Variants in LRP12 observed in about 807,000 individuals in gnomAD.
The protein encoded by LRP12 is low-density lipoprotein receptor-related protein 12.
Under a neutral mutation model 66.0 loss-of-function variants are expected in LRP12, and 14 were observed. That is an observed-to-expected ratio of 0.21 (90% confidence interval 0.14 to 0.33). The LOEUF is 0.33. Among genes scored for constraint, LRP12 ranks in the 10% least tolerant of loss-of-function variants. The pLI, the probability that LRP12 is intolerant of heterozygous loss-of-function variation, is 1.00. For missense variants in LRP12, 889 were observed against 1,053.4 expected, an observed-to-expected ratio of 0.84 and a Z score of 2.16; for synonymous variants, 357 against 359.1, an observed-to-expected ratio of 0.99 and a Z score of 0.07.
chr8:104,574,607 ACT>A, intron 1 of LRP12, among the ~76,000 whole-genome samples: 1 of 151,140 alleles, frequency 6.6e-6, no homozygotes, highest in Non-Finnish European at 1.5e-5. Flanking sequence ...TTTAATAGAC[ACT>A]GTTTTCCAAG....
chr8:104,548,524 TAATA>T (rs1811668938), intron 1 of LRP12, among the ~76,000 whole-genome samples: 2 of 117,532 alleles, frequency 1.7e-5, no homozygotes, highest in Admixed American at 9.1e-5. Context: ...ATTTTGTATC[TAATA>T]TATAATTCTA....
At chr8:104,572,897 A>G (rs1310170229) in intron 1 of LRP12, among the ~76,000 whole-genome samples, 1 of 152,210 alleles carries the variant, frequency 6.6e-6, no homozygotes, top group Non-Finnish European at 1.5e-5. Context: ...ATCAGGGAAT[A>G]AAAGAATTAA....
At chr8:104,514,934 A>G (rs1471759842) in intron 2 of LRP12, among the ~76,000 whole-genome samples, 1 of 152,220 alleles carries the variant, frequency 6.6e-6, no homozygotes, top group East Asian at 1.9e-4. Context: ...GGCTGTGTTC[A>G]GGCTAAGTGA....
At chr8:104,502,488 T>C (rs574585275) in intron 3 of LRP12, among the ~76,000 whole-genome samples, 1 of 152,300 alleles carries the variant, frequency 6.6e-6, no homozygotes, top group South Asian at 2.1e-4. Context: ...CCTTATTAAT[T>C]TCCAGTTACT....
chr8:104,502,538 A>G (rs1226323174), intron 3 of LRP12, among the ~76,000 whole-genome samples: 5 of 152,188 alleles, frequency 3.3e-5, no homozygotes, highest in Non-Finnish European at 5.9e-5. Flanking sequence ...CAAGCTGACA[A>G]GACCACGGTG....
intron 1 of LRP12, among the ~76,000 whole-genome samples, chr8:104,565,298 T>C (rs1811980833): frequency 6.6e-6 from 1 of 152,132 alleles, no homozygotes; most frequent in South Asian, 2.1e-4. Flanking sequence ...CAAACGGTAA[T>C]AATGACTGTG....
chr8:104,547,694 CAT>C (rs1227453619), intron 1 of LRP12, among the ~76,000 whole-genome samples: 4 of 119,972 alleles, frequency 3.3e-5, no homozygotes, highest in Admixed American at 9.4e-5. Context: ...AATATAAAAT[CAT>C]ATATTATATA....
intron 1 of LRP12, among the ~76,000 whole-genome samples, chr8:104,532,544 T>C (rs1391229828): frequency 6.6e-6 from 1 of 152,128 alleles, no homozygotes; most frequent in African/African-American, 2.4e-5. Flanking sequence ...ATTTTATACA[T>C]CATTAGTTCT....
intron 3 of LRP12, among the ~76,000 whole-genome samples, chr8:104,500,613 G>C (rs960366621): frequency 6.6e-6 from 1 of 152,210 alleles, no homozygotes; most frequent in Non-Finnish European, 1.5e-5. Flanking sequence ...TGAGGCAGGA[G>C]AATCTCTTGA....
At chr8:104,558,966 G>C (rs1447920479) in intron 1 of LRP12, among the ~76,000 whole-genome samples, 4 of 152,080 alleles carry the variant, frequency 2.6e-5, no homozygotes, top group Non-Finnish European at 4.4e-5. Flanking sequence ...ACAGATATTG[G>C]CATGGAATGT....
rs879214906 is a variant in LRP12, at chr8:104,588,964, ACGCCGACGCCGCCGCCGC to A, written c.-85_-68del. 83,375 of 903,894 alleles carry A rather than the reference ACGCCGACGCCGCCGCCGC, an allele frequency of 0.092. 4,466 individuals are homozygous for A. The highest frequency in any genetic ancestry group is 0.13 in the Middle Eastern group (487 of 3,786). 56.0% of individuals were successfully genotyped at this position (903,894 alleles called of 1,614,324 possible). On this transcript the variant is annotated 5_prime_UTR_variant, in exon 1 of 7. Coordinates refer to ENST00000276654, the MANE Select transcript of LRP12 (RefSeq NM_013437.5). ...AGGGAGGAGAAGCTGGAGGTAGACG[ACGCCGACGCCGCCGCCGC>A]CGCCGCCGCCGCCGCCGAGCCACCG...
intron 2 of LRP12, among the ~76,000 whole-genome samples, chr8:104,512,896 T>C (rs1811018273): frequency 6.6e-6 from 1 of 152,216 alleles, no homozygotes; most frequent in African/African-American, 2.4e-5. Flanking sequence ...TATGTACTTT[T>C]ATAACATTAT....
In LRP12 at chr8:104,589,014, C is replaced by T; in HGVS notation, c.-117G>A. On this transcript the variant is annotated 5_prime_UTR_variant, in exon 1 of 7. Coordinates refer to ENST00000276654, the MANE Select transcript of LRP12 (RefSeq NM_013437.5). Reference sequence around the variant, plus strand: ...CGCCGCCGCCGAGCCACCGGCTGCTCCCTGCGCTCTCCGCGGCTGCGGGAG... The same window carrying T: ...CGCCGCCGCCGAGCCACCGGCTGCTTCCTGCGCTCTCCGCGGCTGCGGGAG... 1.6e-6 allele frequency: 1 copy of T among 617,960 alleles called. No individual in the cohort carries two copies. The highest frequency in any genetic ancestry group is 2.5e-6 in the Non-Finnish European group (1 of 407,540). 38.3% of individuals were successfully genotyped at this position (617,960 alleles called of 1,614,324 possible). A position where few individuals can be genotyped will look rare whatever the true frequency, so the allele number is the denominator to read the frequency against.
At chr8:104,574,114 G>T (rs149318147) in intron 1 of LRP12, among the ~76,000 whole-genome samples, 1 of 151,892 alleles carries the variant, frequency 6.6e-6, no homozygotes, top group African/African-American at 2.4e-5. Flanking sequence ...CTGACCCTAT[G>T]GTAATTGCAA....
At chr8:104,539,133 A>T (rs1251628325) in intron 1 of LRP12, among the ~76,000 whole-genome samples, 2 of 152,234 alleles carry the variant, frequency 1.3e-5, no homozygotes, top group East Asian at 3.8e-4. Context: ...CCTCATTTAG[A>T]TTCTGATTCA....
At position 104,491,145 on chromosome 8, in the gene LRP12, C is replaced by A. The variant is rs766535908; in HGVS notation, c.2108G>T (p.Gly703Val). 3.7e-6 allele frequency: 6 copies of A among 1,613,994 alleles called. No individual in the cohort carries two copies. The highest frequency in any genetic ancestry group is 4.2e-6 in the Non-Finnish European group (5 of 1,180,032). The change falls in exon 7 of 7, where the codon GGT becomes GTT. Residue 703 changes from glycine to valine, a missense_variant. Coordinates refer to ENST00000276654, the MANE Select transcript of LRP12 (RefSeq NM_013437.5). ...CACATCCCTTCCATTATCTGCATGACCACCTCGGGTACTCTGAGTTGAGGA... is the reference window on the plus strand; with the variant it reads ...CACATCCCTTCCATTATCTGCATGAACACCTCGGGTACTCTGAGTTGAGGA... ...ASSSTQSTRGGHADNGRDVTS... is the reference protein window; with the variant it reads ...ASSSTQSTRGVHADNGRDVTS...
intron 1 of LRP12, among the ~76,000 whole-genome samples, chr8:104,583,385 A>G (rs1812285233): frequency 6.6e-6 from 1 of 152,058 alleles, no homozygotes. Context: ...TGGGCCTTTC[A>G]TGCATTGTTC....
intron 2 of LRP12, among the ~76,000 whole-genome samples, chr8:104,524,533 A>C (rs1206646187): frequency 6.6e-6 from 1 of 152,194 alleles, no homozygotes; most frequent in East Asian, 1.9e-4. Context: ...CACATGATGG[A>C]AATTTTATGC....
At chr8:104,554,670 A>G (rs529556789) in intron 1 of LRP12, among the ~76,000 whole-genome samples, 1 of 152,248 alleles carries the variant, frequency 6.6e-6, no homozygotes, top group South Asian at 2.1e-4. Context: ...TTCCTGAGGA[A>G]GAATAGAAAT....
Sources: allele counts gnomAD v4.1 joint callset (sites outside exome capture counted in the v4.1 genomes callset), GRCh38; gene constraint gnomAD v4.1.1; transcripts MANE v1.5; gene names NCBI Gene and HGNC (gene_info 2026-07-23, HGNC 2026-07-21).